The following TENM4 variants were observed in gnomAD, a reference collection of about 807,000 sequenced individuals.
TENM4 encodes teneurin-4.
A neutral mutation model predicts 243.3 loss-of-function variants in TENM4; 82 were observed. That is an observed-to-expected ratio of 0.34 (90% CI 0.28 to 0.40). TENM4 has a LOEUF of 0.40. Among genes scored for constraint, TENM4 ranks in the 10% least tolerant of loss-of-function variants. TENM4 has a pLI of 1.00. For synonymous variants in TENM4, 1,412 were observed against 1,456.3 expected (o/e 0.97, Z 0.69); for missense variants, 3,138 against 3,673.3 (o/e 0.85, Z 3.77).
intron 6 of TENM4, among the ~76,000 whole-genome samples, chr11:78,964,921 G>A (rs1437588653): frequency 6.6e-6 from 1 of 152,028 alleles, no homozygotes; most frequent in Non-Finnish European, 1.5e-5. Context: ...AGTCTGGAGT[G>A]CAGTAGTGTG....
At chr11:79,340,845 CA>C (rs563898069) in intron 1 of TENM4, among the ~76,000 whole-genome samples, 4 of 150,574 alleles carry the variant, frequency 2.7e-5, no homozygotes, top group South Asian at 2.1e-4. Flanking sequence ...TCCCCACCAA[CA>C]AAAAAAAATA....
At chr11:79,310,369 A>G (rs2135412102) in intron 1 of TENM4, among the ~76,000 whole-genome samples, 1 of 152,340 alleles carries the variant, frequency 6.6e-6, no homozygotes, top group Non-Finnish European at 1.5e-5. Context: ...AGGCCAGCCA[A>G]AACTCTGATA....
At chr11:79,412,332 T>C (rs1858718852) in intron 1 of TENM4, among the ~76,000 whole-genome samples, 1 of 152,220 alleles carries the variant, frequency 6.6e-6, no homozygotes, top group Non-Finnish European at 1.5e-5. Context: ...TGACAGACCC[T>C]CTGTTGTCTG....
At chr11:78,701,500 T>A in intron 28 of TENM4, 26 bp downstream of exon 28, 1 of 1,535,838 alleles carries the variant, frequency 6.5e-7, no homozygotes, top group Non-Finnish European at 8.8e-7. Context: ...AACAAAATCA[T>A]CAAATGGCCT....
chr11:79,235,990 G>A (rs998869709), intron 2 of TENM4, among the ~76,000 whole-genome samples: 2 of 152,092 alleles, frequency 1.3e-5, no homozygotes, highest in Non-Finnish European at 2.9e-5. Context: ...AGCCGCTGCT[G>A]CCCTGTAAAC....
intron 6 of TENM4, among the ~76,000 whole-genome samples, chr11:78,969,346 T>G (rs979792663): frequency 1.3e-4 from 20 of 152,214 alleles, no homozygotes; most frequent in African/African-American, 4.3e-4. Context: ...AGAAACAATT[T>G]CTGTTACTCA....
intron 1 of TENM4, among the ~76,000 whole-genome samples, chr11:79,410,146 G>C (rs1056100805): frequency 6.6e-6 from 1 of 152,144 alleles, no homozygotes; most frequent in Non-Finnish European, 1.5e-5. Context: ...GCAGGCTGCG[G>C]GTTGGACAAG....
chr11:78,954,237 T>C (rs1857163856), intron 6 of TENM4, among the ~76,000 whole-genome samples: 1 of 152,166 alleles, frequency 6.6e-6, no homozygotes, highest in African/African-American at 2.4e-5. Context: ...TGGGAACAGA[T>C]GGCTCCCAAA....
At chr11:79,376,783 G>C (rs540073469) in intron 1 of TENM4, among the ~76,000 whole-genome samples, 32 of 152,216 alleles carry the variant, frequency 2.1e-4, no homozygotes, top group Admixed American at 9.8e-4. Context: ...CCTCAGAGTG[G>C]CTCACACTCA....
chr11:79,264,216 G>A (rs988755918), intron 2 of TENM4, among the ~76,000 whole-genome samples: 2 of 152,126 alleles, frequency 1.3e-5, no homozygotes, highest in Non-Finnish European at 2.9e-5. Flanking sequence ...TGGCCGGCAC[G>A]GGTGCTTTAC....
intron 32 of TENM4, among the ~76,000 whole-genome samples, chr11:78,663,414 G>C (rs935942152): frequency 2.6e-5 from 4 of 152,170 alleles, no homozygotes; most frequent in Non-Finnish European, 5.9e-5. Context: ...CTAATGGGGG[G>C]AGTTTGGGTC....
chr11:79,315,646 C>T (rs564898), intron 1 of TENM4, among the ~76,000 whole-genome samples: 50,738 of 152,068 alleles, frequency 0.33, 8,847 homozygotes, highest in South Asian at 0.51. Flanking sequence ...CCACCCAGGA[C>T]TTACAGAATC....
intron 2 of TENM4, among the ~76,000 whole-genome samples, chr11:79,277,243 T>C (rs975893686): frequency 6.6e-6 from 1 of 152,094 alleles, no homozygotes; most frequent in African/African-American, 2.4e-5. Context: ...GGGCAGGGCA[T>C]TGGGATGAGG....
At chr11:78,837,155 A>G (rs1200797276) in intron 12 of TENM4, among the ~76,000 whole-genome samples, 2 of 152,160 alleles carry the variant, frequency 1.3e-5, no homozygotes, top group Non-Finnish European at 2.9e-5. Flanking sequence ...AGCTTCCATA[A>G]TTCCCATACG....
chr11:78,754,915 A>T (rs1441755352), intron 19 of TENM4, among the ~76,000 whole-genome samples: 1 of 152,152 alleles, frequency 6.6e-6, no homozygotes, highest in Non-Finnish European at 1.5e-5. Context: ...GGCTTCCTTC[A>T]TCTCACCTTT....
intron 6 of TENM4, among the ~76,000 whole-genome samples, chr11:79,017,405 C>G (rs1591211027): frequency 1.3e-5 from 2 of 152,152 alleles, no homozygotes; most frequent in Middle Eastern, 3.4e-3. Context: ...GTCCTGGATA[C>G]CAGGAAGCAA....
intron 6 of TENM4, among the ~76,000 whole-genome samples, chr11:78,919,639 C>T (rs951101275): frequency 6.6e-6 from 1 of 152,054 alleles, no homozygotes; most frequent in African/African-American, 2.4e-5. Flanking sequence ...AAGGCCAAAA[C>T]AAAGGGAAAC....
At chr11:79,425,191 C>A (rs1590957655) in intron 1 of TENM4, among the ~76,000 whole-genome samples, 1 of 152,138 alleles carries the variant, frequency 6.6e-6, no homozygotes. Context: ...AACAACGGTG[C>A]TAAGGATCAA....
intron 28 of TENM4, among the ~76,000 whole-genome samples, chr11:78,694,706 C>A (rs1858913122): frequency 6.6e-6 from 1 of 152,226 alleles, no homozygotes; most frequent in South Asian, 2.1e-4. Flanking sequence ...CTGCCCAGAG[C>A]AGCTGACCCC....
Sources: gnomAD v4.1 joint callset for allele counts (sites outside exome capture counted in the v4.1 genomes callset) on GRCh38, gnomAD v4.1.1 for gene constraint, MANE v1.5 for transcripts, NCBI Gene and HGNC (gene_info 2026-07-23, HGNC 2026-07-21) for gene names.